Variants in SCUBE1 observed in about 807,000 individuals in gnomAD.
The protein encoded by SCUBE1 is signal peptide, CUB and EGF-like domain-containing protein 1.
SCUBE1 carries 59 observed loss-of-function variants against 124.4 expected under a neutral mutation model. The observed-to-expected ratio is 0.47, with a 90% CI of 0.38 to 0.59. The LOEUF (loss-of-function observed/expected upper bound fraction) is 0.59. Among genes scored for constraint, SCUBE1 ranks in the 20% least tolerant of loss-of-function variants. SCUBE1 has a pLI of 0.00. For synonymous variants in SCUBE1, 545 were observed against 550.9 expected, an observed-to-expected ratio of 0.99 and a Z score of 0.15; for missense variants, 1,150 against 1,371.2, an observed-to-expected ratio of 0.84 and a Z score of 2.55.
chr22:43,335,951 GATA>G (rs1201817409), intron 2 of SCUBE1, among the ~76,000 whole-genome samples: 4 of 151,632 alleles, frequency 2.6e-5, no homozygotes, highest in East Asian at 1.9e-4. Context: ...TGATGAAGAT[GATA>G]ATGATGATGG....
Position 43,235,256 on chromosome 22 carries a change from C to T in SCUBE1, c.845-3381G>A, listed in dbSNP as rs1922711016. Among the ~76,000 whole-genome samples, 4 of 152,080 alleles carry T rather than the reference C, an allele frequency of 2.6e-5. No individual in the cohort carries two copies. The South Asian group carries it at 8.3e-4, about 31-fold the overall frequency. On this transcript the variant is annotated intron_variant, in intron 7 of 21. Transcript: ENST00000360835. ...TTGGGTACATCACCCAGGGTTGGAG[C>T]TTGAGTGGGTGTGCATGGGGGCAGG...
Position 43,249,356 on chromosome 22 carries a change from G to A in SCUBE1, c.727+8863C>T, listed in dbSNP as rs187235340. On this transcript the variant is annotated intron_variant, in intron 6 of 21. Transcript: ENST00000360835. ...GGAGCTGGGGTGGAGGGGAGCTAGC[G>A]GGGAGAAGCAGGAATGCACATGTCC... Among the ~76,000 whole-genome samples the A allele has an allele frequency of 4.3e-4, 65 of 152,216 alleles. 1 individual carries two copies. Among genetic ancestry groups the A allele is most frequent in the African/African-American group, 1.5e-3 (61 of 41,528 alleles).
intron 2 of SCUBE1, among the ~76,000 whole-genome samples, chr22:43,330,233 G>A (rs1056022126): frequency 1.2e-4 from 19 of 152,146 alleles, no homozygotes; most frequent in Non-Finnish European, 1.8e-4. Context: ...TTAAGTCACC[G>A]CTGGCTCACG....
intron 4 of SCUBE1, among the ~76,000 whole-genome samples, chr22:43,263,679 T>C (rs1293398794): frequency 1.3e-5 from 2 of 152,194 alleles, no homozygotes; most frequent in Non-Finnish European, 2.9e-5. Context: ...ACAAACACCC[T>C]GCTAGTTGTA....
In SCUBE1 at chr22:43,291,131, G is replaced by A. The variant is rs1925342475; in HGVS notation, c.399C>T (p.Val133=). ...GACACTCGTAGCTGCCCATGGCATT[G>A]ACGCAGATCTGCTGGCAGCCACCAT... The part of the protein sequence containing the change: ...DNNGGCQQIC[V]NAMGSYECQC... Residue 133 remains valine (V), a synonymous_variant, in exon 4 of 22, where the codon GTC becomes GTT. Transcript: ENST00000360835. The A allele has an allele frequency of 6.2e-7, 1 of 1,613,616 alleles. No homozygotes were observed. Among genetic ancestry groups the A allele is most frequent in the African/African-American group, 1.3e-5 (1 of 75,046 alleles).
At chr22:43,236,926 G>T (rs565078233) in intron 7 of SCUBE1, among the ~76,000 whole-genome samples, 2 of 152,196 alleles carry the variant, frequency 1.3e-5, no homozygotes, top group Admixed American at 6.5e-5. Flanking sequence ...CACCTGTTCC[G>T]TGAGCGAGCG....
chr22:43,224,302 G>A lies in SCUBE1; in HGVS notation c.1208-1086C>T, dbSNP rs1201705146. Among the ~76,000 whole-genome samples, 3 of 152,348 alleles carry A rather than the reference G, an allele frequency of 2.0e-5. No homozygotes were observed. The East Asian group carries it at 5.8e-4, about 29-fold the overall frequency. On this transcript the variant is annotated intron_variant, in intron 10 of 21. Coordinates refer to ENST00000360835, the MANE Select transcript of SCUBE1 (RefSeq NM_173050.5). ...CTCTCACTTGCTTTGCTGCTCTCTC[G>A]TGCTGACTGCTTTGTTAGCAAGTGG...
chr22:43,296,931 C>T (rs1266777478), intron 3 of SCUBE1, among the ~76,000 whole-genome samples: 2 of 152,208 alleles, frequency 1.3e-5, no homozygotes, highest in Non-Finnish European at 2.9e-5. Context: ...TCCTTGAAGG[C>T]TGCTCCCCGT....
At chr22:43,286,093 G>A (rs528646928) in intron 4 of SCUBE1, among the ~76,000 whole-genome samples, 1 of 152,354 alleles carries the variant, frequency 6.6e-6, no homozygotes, top group East Asian at 1.9e-4. Flanking sequence ...GTGGGGCCCT[G>A]GGCCAGGCCC....
chr22:43,297,137 C>T (rs997789678), intron 3 of SCUBE1, among the ~76,000 whole-genome samples: 14 of 152,260 alleles, frequency 9.2e-5, no homozygotes, highest in Admixed American at 7.2e-4. Flanking sequence ...TCTTCTGCCC[C>T]TCTCCCAAGG....
chr22:43,320,273 A>G (rs1414823706), intron 2 of SCUBE1, among the ~76,000 whole-genome samples: 1 of 152,216 alleles, frequency 6.6e-6, no homozygotes, highest in Admixed American at 6.5e-5. Flanking sequence ...TGAACAGGCA[A>G]GATTCACACC....
intron 6 of SCUBE1, among the ~76,000 whole-genome samples, chr22:43,244,108 C>T (rs80134125): frequency 0.01 from 1,536 of 152,132 alleles, 25 homozygotes; most frequent in African/African-American, 0.035. Context: ...GAAATAAGGC[C>T]CAGACCTCGC....
rs564660411 is a variant in SCUBE1, at chr22:43,265,242, T to C, written c.485-2397A>G. On this transcript the variant is annotated intron_variant, in intron 4 of 21. Transcript: ENST00000360835. ...ACTTGCCATCAAGTGATCTTTCTTC[T>C]TGAGACTCTAAAGACTTTAACACTG... Among the ~76,000 whole-genome samples, 29 of 152,352 alleles carry C rather than the reference T, an allele frequency of 1.9e-4. 1 individual carries two copies. Among genetic ancestry groups the C allele is most frequent in the African/African-American group, 6.5e-4 (27 of 41,566 alleles).
In SCUBE1 at chr22:43,281,485, TTTGGC is replaced by T. The variant is rs1569010793; in HGVS notation, c.484+9556_484+9560del. Among the ~76,000 whole-genome samples the T allele has an allele frequency of 2.3e-3, 161 of 70,362 alleles. 5 individuals carry two copies. Among genetic ancestry groups the T allele is most frequent in the Middle Eastern group, 0.017 (2 of 118 alleles). 46.2% of individuals were successfully genotyped at this position (70,362 alleles called of 152,430 possible). A position where few individuals can be genotyped will look rare whatever the true frequency, so the allele number is the denominator to read the frequency against. On this transcript the variant is annotated intron_variant, in intron 4 of 21. Coordinates refer to ENST00000360835, the MANE Select transcript of SCUBE1 (RefSeq NM_173050.5). ...CAGCCACCCTCCTGTCACCTCCCTC[TTTGGC>T]CACCCTCCTGTCACCTCCTCCTCAG...
chr22:43,333,593 A>G (rs1182254110), intron 2 of SCUBE1, among the ~76,000 whole-genome samples: 3 of 152,266 alleles, frequency 2.0e-5, no homozygotes, highest in African/African-American at 7.2e-5. Context: ...GCTTCCCACA[A>G]TCCAGGCTCG....
At chr22:43,335,259 A>T (rs1927026181) in intron 2 of SCUBE1, among the ~76,000 whole-genome samples, 1 of 152,228 alleles carries the variant, frequency 6.6e-6, no homozygotes, top group Admixed American at 6.5e-5. Flanking sequence ...AGAAGCCAGC[A>T]GGGATCTGAT....
intron 3 of SCUBE1, among the ~76,000 whole-genome samples, chr22:43,318,510 A>G (rs1469398505): frequency 6.6e-6 from 1 of 152,138 alleles, no homozygotes; most frequent in Non-Finnish European, 1.5e-5. Flanking sequence ...CTCTGTCTCA[A>G]AAGAAAACCA....
Position 43,299,940 on chromosome 22 carries a change from G to A in SCUBE1, c.350-8760C>T, listed in dbSNP as rs114282094. Among the ~76,000 whole-genome samples, 161 of 152,312 alleles carry A rather than the reference G, an allele frequency of 1.1e-3. 1 individual carries two copies. Among genetic ancestry groups the A allele is most frequent in the African/African-American group, 3.4e-3 (142 of 41,558 alleles). ...CATGTTTTCAAGCTGCATCCATGTC[G>A]TAGCGTGACTCAGCACTTCATTCCC... On this transcript the variant is annotated intron_variant, in intron 3 of 21. Transcript: ENST00000360835.
At chr22:43,256,826 G>A (rs1281162024) in intron 6 of SCUBE1, among the ~76,000 whole-genome samples, 2 of 152,226 alleles carry the variant, frequency 1.3e-5, no homozygotes, top group Non-Finnish European at 2.9e-5. Flanking sequence ...GACAGTGGAG[G>A]GAGAGAGGCC....
Sources: allele counts gnomAD v4.1 joint callset (sites outside exome capture counted in the v4.1 genomes callset), GRCh38; gene constraint gnomAD v4.1.1; transcripts MANE v1.5; gene names NCBI Gene and HGNC (gene_info 2026-07-23, HGNC 2026-07-21).